Variants in LRP1B observed in about 807,000 individuals in gnomAD.
The protein encoded by LRP1B is low-density lipoprotein receptor-related protein 1B.
LRP1B carries 217 observed loss-of-function variants against 556.6 expected under a neutral mutation model. The observed-to-expected ratio is 0.39, with a 90% CI of 0.35 to 0.44. The LOEUF (loss-of-function observed/expected upper bound fraction) is 0.44, where lower values mean the gene tolerates loss of function less well. Ranked by LOEUF, LRP1B falls within the 20% of genes least tolerant of loss-of-function variation. The pLI, the probability that LRP1B is intolerant of heterozygous loss-of-function variation, is 1.00. For synonymous variants in LRP1B, 2,047 were observed against 1,865.8 expected (o/e 1.10, Z -2.50); for missense variants, 5,053 against 5,620.8 (o/e 0.90, Z 3.23).
At chr2:141,937,488 T>C (rs1190496990) in intron 1 of LRP1B, among the ~76,000 whole-genome samples, 1 of 151,846 alleles carries the variant, frequency 6.6e-6, no homozygotes, top group Non-Finnish European at 1.5e-5. Context: ...AATGTATGGA[T>C]TGAGACTATA....
intron 29 of LRP1B, among the ~76,000 whole-genome samples, chr2:140,844,673 T>A (rs923435190): frequency 2.1e-4 from 32 of 152,312 alleles, no homozygotes; most frequent in African/African-American, 7.7e-4. Context: ...GGAAGTTTAA[T>A]TTTCCAGTTC....
intron 7 of LRP1B, among the ~76,000 whole-genome samples, chr2:141,159,962 G>A (rs1413549336): frequency 6.6e-6 from 1 of 151,998 alleles, no homozygotes; most frequent in Non-Finnish European, 1.5e-5. Context: ...TGGACACAGA[G>A]AGGGTAACAA....
At chr2:141,213,103 T>C (rs1278736725) in intron 6 of LRP1B, among the ~76,000 whole-genome samples, 1 of 150,784 alleles carries the variant, frequency 6.6e-6, no homozygotes, top group African/African-American at 2.5e-5. Context: ...AGCACCATCA[T>C]CCTCAGCTAA....
intron 3 of LRP1B, among the ~76,000 whole-genome samples, chr2:141,260,741 T>C (rs1684652305): frequency 6.6e-6 from 1 of 152,248 alleles, no homozygotes; most frequent in Admixed American, 6.5e-5. Flanking sequence ...GCTATTTTAT[T>C]TGTATGCTTC....
intron 31 of LRP1B, among the ~76,000 whole-genome samples, chr2:140,824,299 C>A (rs181622194): frequency 1.6e-4 from 25 of 151,880 alleles, no homozygotes; most frequent in African/African-American, 5.3e-4. Flanking sequence ...CTGGTTTAAT[C>A]TATATGAGGC....
intron 43 of LRP1B, among the ~76,000 whole-genome samples, chr2:140,591,794 C>T (rs1209564560): frequency 6.6e-6 from 1 of 152,158 alleles, no homozygotes; most frequent in Non-Finnish European, 1.5e-5. Context: ...TACATATATA[C>T]ATAAGTATTT....
chr2:141,088,577 C>T (rs943615295), intron 7 of LRP1B, among the ~76,000 whole-genome samples: 2 of 152,106 alleles, frequency 1.3e-5, no homozygotes, highest in African/African-American at 4.8e-5. Context: ...ACGGGTGAGG[C>T]ACTTATATTT....
chr2:141,764,201 G>A (rs1471715171), intron 2 of LRP1B, among the ~76,000 whole-genome samples: 2 of 151,494 alleles, frequency 1.3e-5, no homozygotes, highest in African/African-American at 4.8e-5. Flanking sequence ...TTTTTTTTGA[G>A]ACAGAGTTTT....
At chr2:141,612,838 T>C (rs1688153846) in intron 2 of LRP1B, among the ~76,000 whole-genome samples, 1 of 152,174 alleles carries the variant, frequency 6.6e-6, no homozygotes, top group Non-Finnish European at 1.5e-5. Flanking sequence ...AGTCTCGCTC[T>C]GTCACCCAGG....
chr2:141,103,329 TC>T (rs1159549711), intron 7 of LRP1B, among the ~76,000 whole-genome samples: 1 of 152,126 alleles, frequency 6.6e-6, no homozygotes, highest in African/African-American at 2.4e-5. Context: ...TAATTGGTTG[TC>T]AATAAAAGGG....
At position 141,247,228 on chromosome 2, in the gene LRP1B, A is replaced by G. The variant is rs1558958114; in HGVS notation, c.590T>C (p.Ile197Thr). 6.2e-7 allele frequency: 1 copy of G among 1,613,684 alleles called. No individual in the cohort carries two copies. The highest frequency in any genetic ancestry group is 1.7e-5 in the Admixed American group (1 of 59,970). ...QPDNRSCKAK[I>T]EPTDRPPILL... ...AAAAATAAATGGTCATAACTTACCA[A>G]TTTTAGCCTTGCAAGATCTGTTGTC... Residue 197 changes from isoleucine to threonine, a missense_variant and splice_region_variant, in exon 5 of 91, where the codon ATT becomes ACT. Physicochemically the swap from Ile to Thr is moderately conservative, Grantham distance 89 (BLOSUM62 -1). Around this residue, in one of 5 missense-constraint regions of LRP1B, gnomAD observed 3,619 missense variants for 3,931.9 expected, o/e 0.92. Transcript: ENST00000389484.
chr2:141,075,361 A>G (rs1219873202), intron 7 of LRP1B, among the ~76,000 whole-genome samples: 1 of 152,182 alleles, frequency 6.6e-6, no homozygotes, highest in East Asian at 1.9e-4. Flanking sequence ...CACATACTAT[A>G]TTTTAACTTA....
intron 23 of LRP1B, among the ~76,000 whole-genome samples, chr2:140,891,400 A>T (rs776376149): frequency 1.3e-5 from 2 of 152,190 alleles, no homozygotes; most frequent in Non-Finnish European, 2.9e-5. Flanking sequence ...TACAACTAGC[A>T]ATTCTATGTG....
chr2:141,219,198 C>T (rs1211291386), intron 6 of LRP1B, among the ~76,000 whole-genome samples: 6 of 152,200 alleles, frequency 3.9e-5, no homozygotes, highest in Admixed American at 3.9e-4. Context: ...CCTAAGACAA[C>T]TGAGTTCCTT....
At chr2:141,368,570 G>A (rs72979099) in intron 3 of LRP1B, among the ~76,000 whole-genome samples, 6,757 of 152,254 alleles carry the variant, frequency 0.044, 234 homozygotes, top group African/African-American at 0.082. Context: ...ATAAGGAAGA[G>A]ATTCTAAATG....
intron 31 of LRP1B, among the ~76,000 whole-genome samples, chr2:140,815,162 A>G (rs1248420007): frequency 2.0e-5 from 3 of 152,158 alleles, no homozygotes; most frequent in Admixed American, 2.0e-4. Flanking sequence ...AAAAAGATGA[A>G]AAGAAGGAAG....
intron 7 of LRP1B, among the ~76,000 whole-genome samples, chr2:141,111,031 A>G (rs1574083285): frequency 6.6e-6 from 1 of 152,222 alleles, no homozygotes; most frequent in Admixed American, 6.5e-5. Flanking sequence ...TGAAATGGCA[A>G]GGCGAAGAGC....
chr2:141,404,873 A>T (rs1192888394), intron 3 of LRP1B, among the ~76,000 whole-genome samples: 1 of 152,104 alleles, frequency 6.6e-6, no homozygotes, highest in South Asian at 2.1e-4. Flanking sequence ...AGCCTTGATT[A>T]AAATAGAGAA....
chr2:141,311,768 C>G (rs1232788123), intron 3 of LRP1B, among the ~76,000 whole-genome samples: 1 of 152,130 alleles, frequency 6.6e-6, no homozygotes, highest in Non-Finnish European at 1.5e-5. Flanking sequence ...ATGAACTTCC[C>G]AGACTCCAGA....
Sources: gnomAD v4.1 joint callset for allele counts (sites outside exome capture counted in the v4.1 genomes callset) on GRCh38, gnomAD v4.1.1 for gene constraint, gnomAD v4.1.1 regional missense constraint, MANE v1.5 for transcripts, NCBI Gene and HGNC (gene_info 2026-07-23, HGNC 2026-07-21) for gene names.